INTS2: variants seen among roughly 807,000 people sequenced by gnomAD.
The protein encoded by INTS2 is KIAA1287.
Under a neutral mutation model 139.6 loss-of-function variants are expected in INTS2, and 57 were observed. The observed-to-expected ratio is 0.41, with a 90% CI of 0.33 to 0.51. The LOEUF (loss-of-function observed/expected upper bound fraction) is 0.51. INTS2 is among the 20% of genes least tolerant of loss of function. The probability of loss-of-function intolerance (pLI) is 0.28; values close to 1 mark genes in which losing one functional copy is unlikely to be tolerated. For synonymous variants in INTS2, 473 were observed against 493.4 expected (o/e 0.96, Z 0.55); for missense variants, 1,196 against 1,436.7 (o/e 0.83, Z 2.71).
chr17:61,905,379 C>T (rs1372999189), intron 8 of INTS2, among the ~76,000 whole-genome samples: 4 of 152,148 alleles, frequency 2.6e-5, no homozygotes, highest in Non-Finnish European at 5.9e-5. Flanking sequence ...CAGGCGGGAG[C>T]GCAGTGGCAC....
rs1005957717 is a variant in INTS2 at position 61,927,766 on chromosome 17, A to G, written c.-131T>C. 6.4e-7 allele frequency: 1 copy of G among 1,554,826 alleles called. No individual in the cohort carries two copies. The highest frequency in any genetic ancestry group is 1.4e-5 in the African/African-American group (1 of 73,224). ...GATGTTGGGCCTAGGCGATATCCGG[A>G]ACCCCAAACCCTAGTTGTGCCTCGA... On this transcript the variant is annotated 5_prime_UTR_variant, in exon 1 of 25. Coordinates refer to ENST00000251334, the MANE Select transcript of INTS2 (RefSeq NM_001351695.2).
chr17:61,915,337 C>CAAAA (rs1200669667), intron 5 of INTS2, among the ~76,000 whole-genome samples: 139 of 123,918 alleles, frequency 1.1e-3, no homozygotes, highest in African/African-American at 4.7e-3. Context: ...GACTCCGTCT[C>CAAAA]AAAAAAATAA....
chr17:61,904,630 G>A (rs768538796), intron 8 of INTS2, 45 bp from the exon 9 acceptor site: 3 of 1,491,346 alleles, frequency 2.0e-6, no homozygotes, highest in Non-Finnish European at 2.7e-6. Flanking sequence ...TAGTTGGGAT[G>A]AAGAAGAAAA....
chr17:61,926,087 T>C (rs1465270706), intron 2 of INTS2, among the ~76,000 whole-genome samples: 1 of 151,922 alleles, frequency 6.6e-6, no homozygotes, highest in Non-Finnish European at 1.5e-5. Context: ...CTAGGGGAAG[T>C]TACCCTACCT....
In INTS2 at chr17:61,877,980, T is replaced by C. The variant is rs1432497463; in HGVS notation, c.2363A>G (p.Asn788Ser). The change falls in exon 18 of 25, where the codon AAT becomes AGT. Residue 788 changes from asparagine (N) to serine (S), a missense_variant. This residue lies in a region of INTS2 where 1,129 missense variants were observed against 1,341.9 expected (regional missense o/e 0.84). Transcript: ENST00000251334. ...CCCTGAATTCAATAGCTGGCTCATA[T>C]TGGATGTTAACACTTCCGCATATGG... The part of the protein sequence containing the change: ...LIPYAEVLTS[N>S]MSQLLNSGVP... The C allele has an allele frequency of 6.8e-6, 11 of 1,613,340 alleles. No homozygotes were observed. In the Middle Eastern group the frequency reaches 4.9e-4, roughly 72 times the overall value.
rs1341368814 is a variant in INTS2 at position 61,873,405 on chromosome 17, G to T, written c.2583-945C>A. Among the ~76,000 whole-genome samples, 3 of 152,002 alleles carry T rather than the reference G, an allele frequency of 2.0e-5. No homozygotes were observed. The highest frequency in any genetic ancestry group is 4.4e-5 in the Non-Finnish European group (3 of 67,992). ...AATAAGAACATTAACATGAAAAAAG[G>T]TTCACAAGTTGTTAAGTGAAAAATC... On this transcript the variant is annotated intron_variant, in intron 19 of 24. Coordinates refer to ENST00000251334, the MANE Select transcript of INTS2 (RefSeq NM_001351695.2). This position sits in a 1 kb window ranked among gnomAD's most constrained non-coding sequence, Gnocchi z 4.0.
rs191943120 is a variant in INTS2, at chr17:61,889,067, A to C, written c.1984+719T>G. On this transcript the variant is annotated intron_variant, in intron 15 of 24. Transcript: ENST00000251334. ...AAAAACAAAAAACAAACCAAAACAA[A>C]ACAAAAAAAAAGAAACTCTTCTACT... Among the ~76,000 whole-genome samples, 1,059 of 150,942 alleles carry C rather than the reference A, an allele frequency of 7.0e-3. 32 individuals carry two copies. The East Asian group carries it at 0.11, about 15-fold the overall frequency.
intron 9 of INTS2, among the ~76,000 whole-genome samples, chr17:61,899,721 A>G (rs1020844812): frequency 6.6e-5 from 10 of 151,998 alleles, no homozygotes; most frequent in Non-Finnish European, 1.2e-4. Flanking sequence ...GACCAGCCTG[A>G]GCAACAAAGT....
chr17:61,868,416 CAG>C lies in INTS2; in HGVS notation c.3245-409_3245-408del, dbSNP rs2079063300. On this transcript the variant is annotated intron_variant, in intron 23 of 24. Transcript: ENST00000251334. The surrounding 1 kb of genome is among the most constrained non-coding windows in gnomAD (Gnocchi z 4.7). ...TCTTAATCACTACAAATAATTATAA[CAG>C]GATATAAATACGATGAAAAGAAAAA... Among the ~76,000 whole-genome samples the C allele has an allele frequency of 6.6e-6, 1 of 151,908 alleles. No individual in the cohort carries two copies. The highest frequency in any genetic ancestry group is 1.5e-5 in the Non-Finnish European group (1 of 67,916).
chr17:61,887,220 C>T (rs573332450), intron 15 of INTS2, among the ~76,000 whole-genome samples: 1 of 152,276 alleles, frequency 6.6e-6, no homozygotes, highest in Non-Finnish European at 1.5e-5. Flanking sequence ...AAGTGGCTCA[C>T]ACCTGTAATC....
chr17:61,914,575 C>T (rs963811127), intron 5 of INTS2, among the ~76,000 whole-genome samples: 2 of 151,764 alleles, frequency 1.3e-5, no homozygotes, highest in Admixed American at 1.3e-4. Context: ...TGGTGGCGGG[C>T]GCCTGTAGTC....
At chr17:61,913,562 C>T (rs886091045) in intron 5 of INTS2, among the ~76,000 whole-genome samples, 9 of 152,116 alleles carry the variant, frequency 5.9e-5, no homozygotes, top group Admixed American at 5.2e-4. Flanking sequence ...ACAATCCTCC[C>T]GTTTTGGCCT....
intron 14 of INTS2, 26 bp downstream of exon 14, chr17:61,891,487 T>C (rs1343811716): frequency 6.5e-7 from 1 of 1,534,562 alleles, no homozygotes; most frequent in Non-Finnish European, 8.9e-7. Flanking sequence ...AATAAGTTAA[T>C]AGATATAAAA....
At chr17:61,879,071 CTTTTTTTTTTT>C (rs943506280) in intron 17 of INTS2, among the ~76,000 whole-genome samples, 4 of 34,432 alleles carry the variant, frequency 1.2e-4, no homozygotes, top group African/African-American at 2.7e-4. Context: ...CCAGGCTGGT[CTTTTTTTTTTT>C]TTTTTTTTTT....
chr17:61,891,734 A>G (rs746928319), intron 13 of INTS2, 45 bp from the exon 14 acceptor site: 3 of 1,383,998 alleles, frequency 2.2e-6, no homozygotes, highest in Non-Finnish European at 3.0e-6. Context: ...TGGCAAAAAG[A>G]AAAACCAAGC....
intron 16 of INTS2, among the ~76,000 whole-genome samples, chr17:61,884,361 C>T (rs924221772): frequency 6.6e-6 from 1 of 151,924 alleles, no homozygotes; most frequent in Non-Finnish European, 1.5e-5. Context: ...CATGGTGGCG[C>T]ACATGCCTGT....
rs1290057846 is a variant in INTS2 at position 61,886,873 on chromosome 17, G to A, written c.1985-1868C>T. Among the ~76,000 whole-genome samples, 4 of 152,128 alleles carry A rather than the reference G, an allele frequency of 2.6e-5. No individual in the cohort carries two copies. In the East Asian group the frequency reaches 5.8e-4, roughly 22 times the overall value. ...TGTAAGTGCAAGTGTTAGAATAAAG[G>A]TTGAGAATCACTGTCTATATAGACC... On this transcript the variant is annotated intron_variant, in intron 15 of 24. Coordinates refer to ENST00000251334, the MANE Select transcript of INTS2 (RefSeq NM_001351695.2).
At chr17:61,905,366 G>A (rs1056371492) in intron 8 of INTS2, among the ~76,000 whole-genome samples, 3 of 152,088 alleles carry the variant, frequency 2.0e-5, no homozygotes, top group Non-Finnish European at 2.9e-5. Context: ...TCACCCTGTC[G>A]CCCAGGCGGG....
At chr17:61,917,213 G>T (rs553375623) in intron 5 of INTS2, among the ~76,000 whole-genome samples, 85 of 152,290 alleles carry the variant, frequency 5.6e-4, no homozygotes, top group African/African-American at 2.0e-3. Flanking sequence ...CAGCCACTGT[G>T]GAAAGCAGTT....
Sources: gnomAD v4.1 joint callset for allele counts (sites outside exome capture counted in the v4.1 genomes callset) on GRCh38, gnomAD v4.1.1 for gene constraint, gnomAD v4.1.1 regional missense constraint, Gnocchi (gnomAD v3.1) non-coding constraint, MANE v1.5 for transcripts, NCBI Gene and HGNC (gene_info 2026-07-23, HGNC 2026-07-21) for gene names.